LRRC69: variants seen among roughly 807,000 people sequenced by gnomAD.
LRRC69 encodes the protein leucine rich repeat containing 69, also known as leucine-rich repeat-containing protein 69.
LRRC69 carries 42 observed loss-of-function variants against 37.8 expected under a neutral mutation model. The observed-to-expected ratio is 1.11, with a 90% CI of 0.87 to 1.44. The LOEUF (loss-of-function observed/expected upper bound fraction) is 1.44, where lower values mean the gene tolerates loss of function less well. Among genes scored for constraint, LRRC69 ranks in the 40% most tolerant of loss-of-function variants. LRRC69 has a pLI of 0.00. For missense variants in LRRC69, 357 were observed against 401.9 expected, an observed-to-expected ratio of 0.89 and a Z score of 0.96; for synonymous variants, 141 against 143.1, an observed-to-expected ratio of 0.99 and a Z score of 0.11.
intron 5 of LRRC69, among the ~76,000 whole-genome samples, chr8:91,141,486 G>T (rs1808532399): frequency 6.6e-6 from 1 of 152,042 alleles, no homozygotes; most frequent in South Asian, 2.1e-4. Flanking sequence ...TACTCTATTT[G>T]GCATCTGCAA....
At chr8:91,126,556 C>T (rs1436499812) in intron 2 of LRRC69, among the ~76,000 whole-genome samples, 1 of 151,994 alleles carries the variant, frequency 6.6e-6, no homozygotes, top group Non-Finnish European at 1.5e-5. Flanking sequence ...GGTGGTGGCC[C>T]TGTCTGACAT....
chr8:91,218,355 A>AAGAAGTGAG (rs60094350), intron 7 of LRRC69, among the ~76,000 whole-genome samples: 115,804 of 151,972 alleles, frequency 0.76, 45,362 homozygotes, highest in African/African-American at 0.93. Context: ...ATTTTGTACA[A>AAGAAGTGAG]ATTATTTTGA....
At chr8:91,168,315 T>A (rs1809064234) in intron 5 of LRRC69, among the ~76,000 whole-genome samples, 1 of 151,748 alleles carries the variant, frequency 6.6e-6, no homozygotes, top group African/African-American at 2.4e-5. Flanking sequence ...ATGTGATTGA[T>A]ATACAAGAAC....
chr8:91,158,880 C>T lies in LRRC69; in HGVS notation c.651+23141C>T. The stretch of plus-strand genomic sequence containing the variant: ...ACATTGAAAGAAGACTGGAAACATA[C>T]AACTTTGTGCATTTGTGGGGGAAAA... On this transcript the variant is annotated intron_variant, in intron 5 of 7. Transcript: ENST00000448384. 1.6e-5 allele frequency: 10 copies of T among 609,940 alleles called. No individual in the cohort carries two copies. In the South Asian group the frequency reaches 1.8e-4, roughly 11 times the overall value. The allele number at this position is 609,940 out of a possible 1,614,324, so 37.8% of individuals were successfully genotyped here.
intron 5 of LRRC69, among the ~76,000 whole-genome samples, chr8:91,172,161 AT>A (rs1195393268): frequency 2.0e-5 from 3 of 151,876 alleles, no homozygotes; most frequent in Non-Finnish European, 4.4e-5. Flanking sequence ...ACAGTCCCCT[AT>A]TTTTTGACAG....
At chr8:91,133,135 A>T (rs1813838613) in exon 4 of LRRC69, 1 of 1,511,178 alleles carries the variant, frequency 6.6e-7, no homozygotes, top group Admixed American at 2.3e-5. Context: ...TTATATGAGT[A>T]TAAATTATAA....
intron 1 of LRRC69, among the ~76,000 whole-genome samples, chr8:91,104,751 T>C (rs572723067): frequency 1.5e-4 from 23 of 152,128 alleles, no homozygotes; most frequent in African/African-American, 5.5e-4. Context: ...CTTGGCTTGC[T>C]CTCTTAGTTT....
intron 5 of LRRC69, among the ~76,000 whole-genome samples, chr8:91,149,642 G>A (rs1808692666): frequency 6.6e-6 from 1 of 151,952 alleles, no homozygotes; most frequent in Non-Finnish European, 1.5e-5. Context: ...TTAGCTTGAT[G>A]GGGATGGCAT....
chr8:91,127,649 T>C (rs2130507187), intron 3 of LRRC69, among the ~76,000 whole-genome samples: 1 of 142,508 alleles, frequency 7.0e-6, no homozygotes, highest in South Asian at 2.4e-4. Context: ...TTCCTTATCC[T>C]GCATATCTGC....
At chr8:91,113,015 G>A (rs1206602365) in intron 1 of LRRC69, among the ~76,000 whole-genome samples, 4 of 151,538 alleles carry the variant, frequency 2.6e-5, no homozygotes, top group Non-Finnish European at 4.4e-5. Flanking sequence ...CAACCAAACA[G>A]GTCAAAGATT....
intron 6 of LRRC69, among the ~76,000 whole-genome samples, chr8:91,197,125 C>CT (rs913706880): frequency 1.8e-4 from 28 of 152,214 alleles, no homozygotes; most frequent in Admixed American, 5.2e-4. Flanking sequence ...TGTGCCCCTG[C>CT]TGGGGGGTGC....
intron 5 of LRRC69, among the ~76,000 whole-genome samples, chr8:91,167,976 G>A (rs1460361472): frequency 4.0e-5 from 6 of 151,726 alleles, no homozygotes; most frequent in African/African-American, 7.3e-5. Context: ...ATATGTATTC[G>A]ATATACATTT....
intron 7 of LRRC69, chr8:91,205,348 A>G (rs1450183810): frequency 6.6e-6 from 1 of 152,266 alleles, no homozygotes; most frequent in Non-Finnish European, 1.5e-5. Flanking sequence ...TACAGATTTT[A>G]CAACAGCTGC....
At chr8:91,191,103 C>T (rs1438607149) in intron 6 of LRRC69, among the ~76,000 whole-genome samples, 1 of 146,730 alleles carries the variant, frequency 6.8e-6, no homozygotes, top group African/African-American at 2.5e-5. Flanking sequence ...TGACCATTCT[C>T]ATAGTACATT....
intron 6 of LRRC69, among the ~76,000 whole-genome samples, chr8:91,192,254 A>G (rs1809511046): frequency 6.6e-6 from 1 of 152,028 alleles, no homozygotes; most frequent in Non-Finnish European, 1.5e-5. Context: ...ATTGTTGGAC[A>G]TTTGGGTTGG....
chr8:91,136,874 C>T (rs1489410786), intron 5 of LRRC69, among the ~76,000 whole-genome samples: 2 of 151,934 alleles, frequency 1.3e-5, no homozygotes, highest in Non-Finnish European at 2.9e-5. Context: ...TTATCTTATA[C>T]CATGTGTCAG....
At chr8:91,118,754 A>G (rs1468670732) in intron 1 of LRRC69, among the ~76,000 whole-genome samples, 1 of 152,096 alleles carries the variant, frequency 6.6e-6, no homozygotes, top group African/African-American at 2.4e-5. Context: ...TGTCTGTCAT[A>G]TGACTAAAGC....
At chr8:91,185,213 T>C (rs950633075) in intron 5 of LRRC69, among the ~76,000 whole-genome samples, 3 of 152,148 alleles carry the variant, frequency 2.0e-5, no homozygotes, top group African/African-American at 7.2e-5. Context: ...TGGAAAAGCC[T>C]GAAGAGGACT....
intron 5 of LRRC69, among the ~76,000 whole-genome samples, chr8:91,138,263 T>A (rs1808454624): frequency 6.6e-6 from 1 of 151,926 alleles, no homozygotes; most frequent in Non-Finnish European, 1.5e-5. Flanking sequence ...TAGGAAGCAT[T>A]AACCTTGTGA....
Sources: gnomAD v4.1 joint callset for allele counts (sites outside exome capture counted in the v4.1 genomes callset) on GRCh38, gnomAD v4.1.1 for gene constraint, MANE v1.5 for transcripts, NCBI Gene and HGNC (gene_info 2026-07-23, HGNC 2026-07-21) for gene names.